Variants in TMEM266 observed in about 807,000 individuals in gnomAD.
TMEM266 encodes Hv1 related protein 1.
A neutral mutation model predicts 50.5 loss-of-function variants in TMEM266; 33 were observed. The ratio of observed to expected loss-of-function variants is 0.65; its 90% confidence interval spans 0.50 to 0.87. The LOEUF is 0.87. TMEM266 is among the 40% of genes least tolerant of loss of function. The pLI is 0.00. For missense variants in TMEM266, 655 were observed against 695.1 expected (o/e 0.94, Z 0.65); for synonymous variants, 310 against 292.3 (o/e 1.06, Z -0.62).
At chr15:76,166,393 GGCTGA>G (rs1235103639) in intron 5 of TMEM266, among the ~76,000 whole-genome samples, 1 of 152,164 alleles carries the variant, frequency 6.6e-6, no homozygotes, top group Non-Finnish European at 1.5e-5. Context: ...TGTTTCCATG[GGCTGA>G]GCTAAGAAGG....
At chr15:76,086,962 C>T (rs1463110597) in intron 1 of TMEM266, among the ~76,000 whole-genome samples, 1 of 151,420 alleles carries the variant, frequency 6.6e-6, no homozygotes, top group East Asian at 1.9e-4. Flanking sequence ...AAGGGAGTAC[C>T]CTCTGGTCCT....
intron 7 of TMEM266, chr15:76,174,756 A>G (rs143403046): frequency 6.6e-5 from 10 of 152,320 alleles, no homozygotes; most frequent in Middle Eastern, 6.8e-3. Context: ...TACATTTCAT[A>G]TAAATGGAAT....
intron 1 of TMEM266, among the ~76,000 whole-genome samples, chr15:76,131,011 A>G (rs1419152056): frequency 2.0e-5 from 3 of 152,212 alleles, no homozygotes; most frequent in Non-Finnish European, 4.4e-5. Context: ...CCAGAGAGAC[A>G]GGAAGGTCCA....
At chr15:76,173,308 A>G (rs188029691) in intron 7 of TMEM266, among the ~76,000 whole-genome samples, 4 of 152,266 alleles carry the variant, frequency 2.6e-5, no homozygotes, top group Admixed American at 6.5e-5. Context: ...GGGTTCTAGA[A>G]ATCAGGGGCA....
chr15:76,119,302 G>C (rs753391096), intron 1 of TMEM266, among the ~76,000 whole-genome samples: 2 of 151,148 alleles, frequency 1.3e-5, no homozygotes, highest in Non-Finnish European at 2.9e-5. Context: ...AAGTCCTGGA[G>C]TGTTGGGAGG....
Position 76,192,077 on chromosome 15 carries a change from G to A in TMEM266, c.878G>A (p.Arg293His). The A allele has an allele frequency of 1.4e-6, 2 of 1,471,600 alleles. No individual in the cohort carries two copies. The highest frequency in any genetic ancestry group is 1.4e-5 in the South Asian group (1 of 73,182). 91.2% of individuals were successfully genotyped at this position (1,471,600 alleles called of 1,614,324 possible). ...CACGTGCTCAGCCAGCCGCGCAGCCGCTTCAAAGTGTTGGAGGCCGGCACG... is the reference window on the plus strand; with the variant it reads ...CACGTGCTCAGCCAGCCGCGCAGCCACTTCAAAGTGTTGGAGGCCGGCACG... The change falls in exon 9 of 11, where the codon CGC (arginine) becomes CAC (histidine). Residue 293 changes from arginine (R) to histidine (H), a missense_variant. Around this residue, in one of 3 missense-constraint regions of TMEM266, gnomAD observed 455 missense variants for 401.8 expected, o/e 1.13. Coordinates refer to ENST00000388942, the MANE Select transcript of TMEM266 (RefSeq NM_152335.3).
At chr15:76,142,875 G>C (rs187967733) in intron 3 of TMEM266, among the ~76,000 whole-genome samples, 167 of 152,320 alleles carry the variant, frequency 1.1e-3, no homozygotes, top group African/African-American at 3.8e-3. Context: ...TGGCTGTGCA[G>C]ACTGGGTGCC....
intron 9 of TMEM266, among the ~76,000 whole-genome samples, chr15:76,198,211 C>A (rs1203307272): frequency 4.6e-5 from 7 of 152,134 alleles, no homozygotes; most frequent in African/African-American, 1.7e-4. Flanking sequence ...CTACCTAAGG[C>A]CACACAGCAT....
Position 76,203,796 on chromosome 15 carries a change from T to G in TMEM266, c.1077T>G (p.Ile359Met), listed in dbSNP as rs144785138. Residue 359 changes from isoleucine (I) to methionine (M), a missense_variant, in exon 11 of 11, where the codon ATT (isoleucine) becomes ATG (methionine). By Grantham distance (10) the Ile-to-Met change is conservative (BLOSUM62 1). This residue lies in a region of TMEM266 where 455 missense variants were observed against 401.8 expected (regional missense o/e 1.13). Transcript: ENST00000388942. Reference sequence around the variant, plus strand: ...TGGTCACCACGGCCGCAATAGACATTCACCAGCCCAACATCTCCTCGGACC... The same window carrying G: ...TGGTCACCACGGCCGCAATAGACATGCACCAGCCCAACATCTCCTCGGACC... 17 of 1,613,946 alleles carry G rather than the reference T, an allele frequency of 1.1e-5. No individual in the cohort carries two copies. Among genetic ancestry groups the G allele is most frequent in the Non-Finnish European group, 1.4e-5 (17 of 1,180,018 alleles).
intron 1 of TMEM266, among the ~76,000 whole-genome samples, chr15:76,081,501 A>G (rs1486057301): frequency 6.6e-6 from 1 of 152,198 alleles, no homozygotes; most frequent in Non-Finnish European, 1.5e-5. Flanking sequence ...AGCCATACTG[A>G]AGCAAAACAT....
At chr15:76,145,053 G>A (rs1241017906) in intron 3 of TMEM266, among the ~76,000 whole-genome samples, 1 of 152,192 alleles carries the variant, frequency 6.6e-6, no homozygotes, top group Non-Finnish European at 1.5e-5. Context: ...CACACTCACT[G>A]ATGCAGGTAC....
intron 1 of TMEM266, among the ~76,000 whole-genome samples, chr15:76,132,853 G>A (rs1189937220): frequency 8.1e-6 from 1 of 123,380 alleles, no homozygotes; most frequent in African/African-American, 2.8e-5. Context: ...TATTATTACT[G>A]GCCAGGCACA....
chr15:76,100,624 G>T (rs1596104125), intron 1 of TMEM266, among the ~76,000 whole-genome samples: 1 of 152,220 alleles, frequency 6.6e-6, no homozygotes, highest in African/African-American at 2.4e-5. Context: ...TTTTGCTAAT[G>T]CCAGACTGTA....
At chr15:76,134,407 G>A in intron 2 of TMEM266, 106 bp downstream of exon 2, 1 of 1,188,330 alleles carries the variant, frequency 8.4e-7, no homozygotes, top group Non-Finnish European at 1.2e-6. Context: ...ATTTCCTTTA[G>A]CAGGAGGCCA....
At chr15:76,070,989 T>G (rs1191286234) in intron 1 of TMEM266, among the ~76,000 whole-genome samples, 2 of 152,202 alleles carry the variant, frequency 1.3e-5, no homozygotes, top group African/African-American at 4.8e-5. Flanking sequence ...GGAGTTTGTC[T>G]TATCCTGACA....
At chr15:76,201,726 G>A (rs1157152375) in intron 9 of TMEM266, among the ~76,000 whole-genome samples, 1 of 152,148 alleles carries the variant, frequency 6.6e-6, no homozygotes, top group African/African-American at 2.4e-5. Flanking sequence ...GGAGCCCACA[G>A]GTGGATCGAG....
chr15:76,068,282 A>C (rs2036470850), intron 1 of TMEM266, among the ~76,000 whole-genome samples: 2 of 152,214 alleles, frequency 1.3e-5, no homozygotes, highest in Admixed American at 1.3e-4. Context: ...AGGGATGGGA[A>C]AGTGTTTACA....
intron 1 of TMEM266, among the ~76,000 whole-genome samples, chr15:76,108,879 CTAAG>C (rs1258508649): frequency 6.6e-6 from 1 of 152,136 alleles, no homozygotes; most frequent in Non-Finnish European, 1.5e-5. Context: ...TACAAGTCTC[CTAAG>C]TAATAACTAT....
At chr15:76,156,561 C>T (rs2142047256) in intron 3 of TMEM266, 43 bp from the exon 4 acceptor site, 2 of 1,606,770 alleles carry the variant, frequency 1.2e-6, no homozygotes, top group Admixed American at 3.3e-5. Flanking sequence ...CTCTTGTCCC[C>T]TCCCACTCTG....
Sources: allele counts gnomAD v4.1 joint callset (sites outside exome capture counted in the v4.1 genomes callset), GRCh38; gene constraint gnomAD v4.1.1; regional missense constraint gnomAD v4.1.1; transcripts MANE v1.5; gene names NCBI Gene and HGNC (gene_info 2026-07-23, HGNC 2026-07-21).